CPNE8: variants seen among roughly 807,000 people sequenced by gnomAD.
The protein encoded by CPNE8 is copine 8.
In CPNE8, 45 loss-of-function variants were observed where a neutral mutation model predicts 81.5. That is an observed-to-expected ratio of 0.55 (90% CI 0.44 to 0.71). The LOEUF is 0.71. Ranked by LOEUF, CPNE8 falls within the 30% of genes least tolerant of loss-of-function variation. The pLI, the probability that CPNE8 is intolerant of heterozygous loss-of-function variation, is 0.00. For missense variants in CPNE8, 594 were observed against 672.1 expected (o/e 0.88, Z 1.28); for synonymous variants, 252 against 226.3 (o/e 1.11, Z -1.02).
intron 10 of CPNE8, among the ~76,000 whole-genome samples, chr12:38,735,397 G>T (rs925037206): frequency 6.6e-6 from 1 of 152,014 alleles, no homozygotes; most frequent in Non-Finnish European, 1.5e-5. Flanking sequence ...TTTCAGAGGT[G>T]ACTGGAACCA....
intron 1 of CPNE8, among the ~76,000 whole-genome samples, chr12:38,879,319 CT>C (rs138490857): frequency 0.028 from 4,114 of 148,550 alleles, 173 homozygotes; most frequent in African/African-American, 0.093. Flanking sequence ...TCTGTTTCCC[CT>C]TTTTTTTTTC....
chr12:38,695,399 CT>C (rs1939770924), intron 14 of CPNE8, among the ~76,000 whole-genome samples: 1 of 152,206 alleles, frequency 6.6e-6, no homozygotes, highest in Admixed American at 6.5e-5. Flanking sequence ...CTAATGTCCT[CT>C]AGGACTTTTC....
intron 5 of CPNE8, among the ~76,000 whole-genome samples, chr12:38,833,450 C>A (rs1485033011): frequency 7.0e-6 from 1 of 143,582 alleles, no homozygotes; most frequent in Admixed American, 7.0e-5. Context: ...AAATTTTCAA[C>A]AAGTAGATGA....
chr12:38,781,647 A>C (rs565296445), intron 6 of CPNE8, among the ~76,000 whole-genome samples: 1 of 152,096 alleles, frequency 6.6e-6, no homozygotes, highest in Non-Finnish European at 1.5e-5. Context: ...AGCAAAATTG[A>C]CACAACTACA....
intron 10 of CPNE8, among the ~76,000 whole-genome samples, chr12:38,736,535 T>C (rs556146240): frequency 1.4e-3 from 212 of 151,762 alleles, no homozygotes; most frequent in African/African-American, 4.9e-3. Flanking sequence ...AAAAAAAGAA[T>C]ATATACATAT....
At chr12:38,799,707 G>A (rs572853888) in intron 6 of CPNE8, among the ~76,000 whole-genome samples, 6 of 151,666 alleles carry the variant, frequency 4.0e-5, no homozygotes, top group South Asian at 2.1e-4. Flanking sequence ...CGTGAGCGAC[G>A]CAGAAGACGG....
intron 13 of CPNE8, among the ~76,000 whole-genome samples, chr12:38,723,087 C>T (rs1940606096): frequency 6.6e-6 from 1 of 152,112 alleles, no homozygotes; most frequent in African/African-American, 2.4e-5. Flanking sequence ...TTATAAATTA[C>T]CCAGTTCGGG....
intron 8 of CPNE8, among the ~76,000 whole-genome samples, chr12:38,762,539 A>G (rs1323662299): frequency 6.6e-6 from 1 of 152,242 alleles, no homozygotes; most frequent in Non-Finnish European, 1.5e-5. Flanking sequence ...GAGGATCACC[A>G]GCAACTTTGA....
At chr12:38,685,161 G>A (rs1269547079) in intron 16 of CPNE8, among the ~76,000 whole-genome samples, 1 of 152,192 alleles carries the variant, frequency 6.6e-6, no homozygotes, top group Non-Finnish European at 1.5e-5. Flanking sequence ...TATTAGATAA[G>A]AATGATTTAC....
chr12:38,873,202 A>G, intron 2 of CPNE8, 152 bp from the exon 3 acceptor site: 1 of 566,796 alleles, frequency 1.8e-6, no homozygotes. Context: ...AGGCTAGTAA[A>G]TCATCATATG....
intron 6 of CPNE8, among the ~76,000 whole-genome samples, chr12:38,828,446 T>C (rs1943234429): frequency 1.3e-5 from 2 of 152,164 alleles, no homozygotes; most frequent in African/African-American, 2.4e-5. Context: ...AACTTAGAAT[T>C]TATAGAATTC....
intron 11 of CPNE8, among the ~76,000 whole-genome samples, chr12:38,727,359 CA>C (rs1295037950): frequency 6.6e-6 from 1 of 152,088 alleles, no homozygotes; most frequent in Non-Finnish European, 1.5e-5. Flanking sequence ...TAAAGTTCTT[CA>C]AAAAGTGTTT....
intron 10 of CPNE8, among the ~76,000 whole-genome samples, chr12:38,732,711 A>G (rs1377425165): frequency 6.6e-6 from 1 of 151,950 alleles, no homozygotes; most frequent in Admixed American, 6.6e-5. Flanking sequence ...TTCTCACCCT[A>G]TATTACTCCT....
chr12:38,865,231 A>T (rs547470430), intron 3 of CPNE8, among the ~76,000 whole-genome samples: 12 of 152,346 alleles, frequency 7.9e-5, no homozygotes, highest in African/African-American at 2.4e-4. Context: ...ACCATTTGGC[A>T]GTATCTACTG....
At chr12:38,716,223 C>T (rs569442288) in intron 13 of CPNE8, among the ~76,000 whole-genome samples, 2 of 152,172 alleles carry the variant, frequency 1.3e-5, no homozygotes, top group East Asian at 3.9e-4. Flanking sequence ...ACCATACTGC[C>T]CAAAGCATTC....
intron 10 of CPNE8, among the ~76,000 whole-genome samples, chr12:38,738,801 C>A (rs1397146749): frequency 6.9e-6 from 1 of 145,112 alleles, no homozygotes. Flanking sequence ...TAAAATTTTT[C>A]TTTTCTTTTT....
chr12:38,798,508 T>C lies in CPNE8; in HGVS notation c.408-22207A>G, dbSNP rs560423927. 2.0e-4 allele frequency among the ~76,000 whole-genome samples: 31 copies of C among 151,854 alleles called. No individual in the cohort carries two copies. In the East Asian group the frequency reaches 4.3e-3, roughly 21 times the overall value. ...ACAGACAAGCAAATGCTGAGAGATG[T>C]TGTCACCACCAGGCCTGCCCTAAAA... On this transcript the variant is annotated intron_variant, in intron 6 of 19. Transcript: ENST00000331366.
At chr12:38,679,868 A>G (rs1939372333) in intron 16 of CPNE8, among the ~76,000 whole-genome samples, 1 of 151,756 alleles carries the variant, frequency 6.6e-6, no homozygotes, top group African/African-American at 2.4e-5. Context: ...TGAAGTAAAA[A>G]TTATAAGCTG....
intron 6 of CPNE8, among the ~76,000 whole-genome samples, chr12:38,817,091 A>C (rs1441702820): frequency 6.6e-6 from 1 of 152,184 alleles, no homozygotes; most frequent in Non-Finnish European, 1.5e-5. Context: ...GGAATATGTG[A>C]GCCAATTAAA....
Sources: gnomAD v4.1 joint callset for allele counts (sites outside exome capture counted in the v4.1 genomes callset) on GRCh38, gnomAD v4.1.1 for gene constraint, MANE v1.5 for transcripts, NCBI Gene and HGNC (gene_info 2026-07-23, HGNC 2026-07-21) for gene names.